XPR1: variants seen among roughly 807,000 people sequenced by gnomAD.
The protein encoded by XPR1 is xenotropic and polytropic retrovirus receptor 1, also known as solute carrier family 53 member 1.
XPR1 carries 28 observed loss-of-function variants against 87.5 expected under a neutral mutation model. The observed-to-expected ratio is 0.32, with a 90% CI of 0.24 to 0.44. The LOEUF is 0.44. XPR1 is among the 20% of genes least tolerant of loss of function. The pLI is 1.00. For missense variants in XPR1, 559 were observed against 862.3 expected (o/e 0.65, Z 4.41); for synonymous variants, 300 against 306.1 (o/e 0.98, Z 0.21).
chr1:180,779,667 C>G (rs1287684225), intron 2 of XPR1, among the ~76,000 whole-genome samples: 1 of 151,016 alleles, frequency 6.6e-6, no homozygotes, highest in Non-Finnish European at 1.5e-5. Flanking sequence ...AGGAGAATCA[C>G]TTGAACCCGG....
intron 2 of XPR1, among the ~76,000 whole-genome samples, chr1:180,715,160 A>C (rs1422896951): frequency 6.6e-6 from 1 of 152,228 alleles, no homozygotes; most frequent in Non-Finnish European, 1.5e-5. Flanking sequence ...TTTGAATGTA[A>C]TATAGCCCCA....
intron 2 of XPR1, among the ~76,000 whole-genome samples, chr1:180,683,581 G>A (rs189628182): frequency 4.3e-4 from 65 of 152,134 alleles, no homozygotes; most frequent in South Asian, 8.3e-4. Context: ...TGGTCCCACC[G>A]ACAGTGTAAA....
chr1:180,853,125 G>A (rs1408686361), intron 11 of XPR1, among the ~76,000 whole-genome samples: 1 of 151,892 alleles, frequency 6.6e-6, no homozygotes, highest in African/African-American at 2.4e-5. Context: ...ACGGGTATTC[G>A]CCACGTTAGC....
intron 11 of XPR1, among the ~76,000 whole-genome samples, chr1:180,844,008 C>G (rs199500426): frequency 6.6e-6 from 1 of 151,910 alleles, no homozygotes; most frequent in East Asian, 1.9e-4. Flanking sequence ...GTCAGGAGTT[C>G]GAGACCAGCC....
intron 2 of XPR1, among the ~76,000 whole-genome samples, chr1:180,694,706 A>G (rs567960307): frequency 6.6e-6 from 1 of 151,884 alleles, no homozygotes; most frequent in Non-Finnish European, 1.5e-5. Flanking sequence ...ATTTTTCAAC[A>G]ATCGAGCTTT....
rs5779071 is a variant in XPR1, at chr1:180,732,192, C to CAA, written c.121+49798_121+49799dup. Among the ~76,000 whole-genome samples, 109 of 107,764 alleles carry CAA rather than the reference C, an allele frequency of 1.0e-3. 1 individual carries two copies. The highest frequency in any genetic ancestry group is 3.7e-3 in the African/African-American group (103 of 27,766). 70.7% of individuals were successfully genotyped at this position (107,764 alleles called of 152,430 possible). A position where few individuals can be genotyped will look rare whatever the true frequency, so the allele number is the denominator to read the frequency against. On this transcript the variant is annotated intron_variant, in intron 2 of 14. Coordinates refer to ENST00000367590, the MANE Select transcript of XPR1 (RefSeq NM_004736.4). Reference sequence around the variant, plus strand: ...TGGGTGACAAAGTGAGACTCCATCTCAAAAAAAAAAAAAAAAAAGAAGTAA... The same window carrying CAA: ...TGGGTGACAAAGTGAGACTCCATCTCAAAAAAAAAAAAAAAAAAAAGAAGTAA...
chr1:180,683,677 A>T (rs904539989), intron 2 of XPR1, among the ~76,000 whole-genome samples: 9 of 152,154 alleles, frequency 5.9e-5, no homozygotes, highest in African/African-American at 2.2e-4. Flanking sequence ...GTGAGATGGT[A>T]TCCCATTGTG....
chr1:180,774,063 A>G (rs1226989053), intron 2 of XPR1, among the ~76,000 whole-genome samples: 1 of 152,046 alleles, frequency 6.6e-6, no homozygotes, highest in Non-Finnish European at 1.5e-5. Flanking sequence ...GATGTATTTT[A>G]TCAATTTTCT....
intron 2 of XPR1, among the ~76,000 whole-genome samples, chr1:180,786,059 T>C (rs901520326): frequency 4.6e-5 from 7 of 151,934 alleles, no homozygotes; most frequent in African/African-American, 1.7e-4. Context: ...TGTACCTAGA[T>C]TGCGGAGTTT....
chr1:180,840,566 G>GTGTA (rs1258711178), intron 11 of XPR1, among the ~76,000 whole-genome samples: 2,873 of 136,146 alleles, frequency 0.021, 79 homozygotes, highest in East Asian at 0.18. Flanking sequence ...GTGTGTGTGT[G>GTGTA]TATATATATA....
intron 1 of XPR1, among the ~76,000 whole-genome samples, chr1:180,664,629 C>T (rs1457831880): frequency 6.6e-6 from 1 of 152,170 alleles, no homozygotes; most frequent in African/African-American, 2.4e-5. Context: ...GACATGAGCA[C>T]CCCCTTAGTT....
intron 2 of XPR1, among the ~76,000 whole-genome samples, chr1:180,776,001 A>G (rs989288655): frequency 1.5e-4 from 23 of 152,150 alleles, no homozygotes; most frequent in Non-Finnish European, 2.8e-4. Flanking sequence ...CTCTTACGCA[A>G]TCTAAATTTT....
chr1:180,757,153 A>G (rs187950192), intron 2 of XPR1, among the ~76,000 whole-genome samples: 63 of 152,270 alleles, frequency 4.1e-4, no homozygotes, highest in African/African-American at 1.4e-3. Flanking sequence ...GCATTTCCAT[A>G]TGTATTTTAG....
rs1264196151 is a variant in XPR1, at chr1:180,708,894, G to GTT, written c.121+26497_121+26498dup. On this transcript the variant is annotated intron_variant, in intron 2 of 14. Transcript: ENST00000367590. ...AGCTGTAGTCTTATAAGCATGTAAAGTTTTTTTTTTTTTTTGGGGGGGGGG... is the reference window on the plus strand; with the variant it reads ...AGCTGTAGTCTTATAAGCATGTAAAGTTTTTTTTTTTTTTTTTGGGGGGGGGG... 1.4e-3 allele frequency among the ~76,000 whole-genome samples: 121 copies of GTT among 83,992 alleles called. 3 individuals are homozygous for GTT. The highest frequency in any genetic ancestry group is 2.0e-3 in the Non-Finnish European group (87 of 44,166). 55.1% of individuals were successfully genotyped at this position (83,992 alleles called of 152,430 possible).
At chr1:180,719,181 G>T (rs1658097205) in intron 2 of XPR1, among the ~76,000 whole-genome samples, 1 of 152,172 alleles carries the variant, frequency 6.6e-6, no homozygotes, top group East Asian at 1.9e-4. Flanking sequence ...TACAGACATA[G>T]ATTTATTGAA....
At chr1:180,738,125 C>T (rs980100660) in intron 2 of XPR1, among the ~76,000 whole-genome samples, 5 of 152,174 alleles carry the variant, frequency 3.3e-5, no homozygotes, top group Non-Finnish European at 5.9e-5. Flanking sequence ...GATTCTCCTG[C>T]GTCAGCCTCC....
chr1:180,646,801 C>A (rs907114310), intron 1 of XPR1, among the ~76,000 whole-genome samples: 9 of 152,068 alleles, frequency 5.9e-5, no homozygotes, highest in African/African-American at 1.7e-4. Flanking sequence ...ATGGGTGGGC[C>A]ATGCATGGAC....
intron 2 of XPR1, among the ~76,000 whole-genome samples, chr1:180,759,780 C>A (rs143116805): frequency 1.3e-5 from 2 of 152,142 alleles, no homozygotes; most frequent in Admixed American, 6.5e-5. Flanking sequence ...CCAGCATCAT[C>A]CTGATACCAA....
intron 2 of XPR1, among the ~76,000 whole-genome samples, chr1:180,729,483 A>G (rs904484237): frequency 4.6e-5 from 7 of 152,178 alleles, no homozygotes; most frequent in African/African-American, 1.7e-4. Flanking sequence ...ACACTGAACT[A>G]CTTTCCACAA....
Sources: allele counts gnomAD v4.1 joint callset (sites outside exome capture counted in the v4.1 genomes callset), GRCh38; gene constraint gnomAD v4.1.1; transcripts MANE v1.5; gene names NCBI Gene and HGNC (gene_info 2026-07-23, HGNC 2026-07-21).